ARFGEF2: variants seen among roughly 807,000 people sequenced by gnomAD.
ARFGEF2 encodes brefeldin A-inhibited guanine nucleotide-exchange protein 2.
A neutral mutation model predicts 219.9 loss-of-function variants in ARFGEF2; 74 were observed. The observed-to-expected ratio is 0.34, with a 90% CI of 0.28 to 0.41. ARFGEF2 has a LOEUF of 0.41. Ranked by LOEUF, ARFGEF2 falls within the 10% of genes least tolerant of loss-of-function variation. The probability of loss-of-function intolerance (pLI) is 1.00; values close to 1 mark genes in which losing one functional copy is unlikely to be tolerated. For synonymous variants in ARFGEF2, 733 were observed against 799.2 expected, an observed-to-expected ratio of 0.92 and a Z score of 1.40; for missense variants, 1,743 against 2,218.3, an observed-to-expected ratio of 0.79 and a Z score of 4.30.
chr20:49,017,591 CTATCTTAGT>C, intron 33 of ARFGEF2, 41 bp downstream of exon 33: 4 of 1,606,256 alleles, frequency 2.5e-6, no homozygotes, highest in Non-Finnish European at 3.4e-6. Flanking sequence ...TTTCTTTTTT[CTATCTTAGT>C]AAAAGATCAA....
chr20:48,975,924 T>C, intron 13 of ARFGEF2, 92 bp from the exon 14 acceptor site: 1 of 1,194,060 alleles, frequency 8.4e-7, no homozygotes, highest in Non-Finnish European at 1.2e-6. Flanking sequence ...CTATTACAGG[T>C]TTGGGAAAGG....
chr20:48,968,716 C>T (rs1390094373), intron 8 of ARFGEF2, among the ~76,000 whole-genome samples: 1 of 152,144 alleles, frequency 6.6e-6, no homozygotes, highest in African/African-American at 2.4e-5. Context: ...GTATAATTAC[C>T]TGTATTAGTT....
At chr20:49,027,627 T>G (rs1600560498) in intron 36 of ARFGEF2, among the ~76,000 whole-genome samples, 1 of 151,244 alleles carries the variant, frequency 6.6e-6, no homozygotes. Context: ...GCCTGGGAGG[T>G]CGAGGTTGCA....
intron 6 of ARFGEF2, among the ~76,000 whole-genome samples, chr20:48,959,043 G>C (rs1403309544): frequency 2.0e-5 from 3 of 152,138 alleles, no homozygotes; most frequent in African/African-American, 4.8e-5. Context: ...TTTGTGAGTA[G>C]TCTCCTGGTT....
intron 25 of ARFGEF2, chr20:48,999,317 G>A: frequency 2.4e-6 from 1 of 418,518 alleles, no homozygotes; most frequent in Non-Finnish European, 4.7e-6. Context: ...CAACTGTTGG[G>A]AATAAACCAG....
At chr20:49,006,154 C>A (rs6063345) in intron 26 of ARFGEF2, among the ~76,000 whole-genome samples, 1 of 151,626 alleles carries the variant, frequency 6.6e-6, no homozygotes, top group Non-Finnish European at 1.5e-5. Flanking sequence ...GTTAGCCGGG[C>A]GTGGTGGTGG....
rs1217052185 is a variant in ARFGEF2 at position 48,976,195 on chromosome 20, G to A, written c.1954G>A (p.Glu652Lys). 1.9e-5 allele frequency: 30 copies of A among 1,613,784 alleles called. No homozygotes were observed. Among genetic ancestry groups the A allele is most frequent in the Non-Finnish European group, 2.4e-5 (28 of 1,179,988 alleles). ...AAAAGAAATCATTGAACACGGCATC[G>A]AGCTGTGAGTGGGGCTGCCGTTAAC... ...QQKEIIEHGI[E>K]LFNKKPKRGI... The change falls in exon 14 of 39, where the codon GAG (glutamate) becomes AAG (lysine). Residue 652 changes from glutamate to lysine, a missense_variant. Physicochemically the swap from Glu to Lys is moderately conservative, Grantham distance 56. Transcript: ENST00000371917.
chr20:48,935,012 A>G (rs1381569069), intron 1 of ARFGEF2, among the ~76,000 whole-genome samples: 3 of 152,188 alleles, frequency 2.0e-5, no homozygotes, highest in African/African-American at 2.4e-5. Flanking sequence ...CCTCTCCAGC[A>G]TCTGTTGTTT....
chr20:49,013,987 A>G lies in ARFGEF2; in HGVS notation c.4179+27A>G, dbSNP rs1426467990. Reference sequence around the variant, plus strand: ...TAGGTGATAACTACAGCACTGCCCTAGGTATGATGGAGAGGAAAGCCTTTC... The same window carrying G: ...TAGGTGATAACTACAGCACTGCCCTGGGTATGATGGAGAGGAAAGCCTTTC... On this transcript the variant is annotated intron_variant, in intron 30 of 38. Transcript: ENST00000371917. 18 of 1,613,428 alleles carry G rather than the reference A, an allele frequency of 1.1e-5. No homozygotes were observed. In the East Asian group the frequency reaches 3.3e-4, roughly 30 times the overall value.
chr20:48,931,961 G>A (rs2123282131), intron 1 of ARFGEF2, among the ~76,000 whole-genome samples: 1 of 152,334 alleles, frequency 6.6e-6, no homozygotes, highest in East Asian at 1.9e-4. Flanking sequence ...GCTGTGGGGT[G>A]GAAGGGAGGA....
chr20:49,023,089 G>T lies in ARFGEF2; in HGVS notation c.4663G>T (p.Val1555Phe). Residue 1555 changes from valine to phenylalanine, a missense_variant, in exon 35 of 39, where the codon GTC becomes TTC. By Grantham distance (50) the Val-to-Phe change is conservative (BLOSUM62 -1). Coordinates refer to ENST00000371917, the MANE Select transcript of ARFGEF2 (RefSeq NM_006420.3). ...TGCCAGCCTCCTCATCAAGTGTGTG[G>T]TCCAGTTGGAATTGATACAGACCAT... ...LFASLLIKCV[V>F]QLELIQTIDN... 6.2e-7 allele frequency: 1 copy of T among 1,614,210 alleles called. No individual in the cohort carries two copies.
chr20:49,000,371 T>C (rs2091418187), intron 25 of ARFGEF2, among the ~76,000 whole-genome samples: 1 of 152,104 alleles, frequency 6.6e-6, no homozygotes, highest in Non-Finnish European at 1.5e-5. Context: ...AGATAACTGA[T>C]GGGAAAGGAT....
intron 21 of ARFGEF2, among the ~76,000 whole-genome samples, 175 bp downstream of exon 21, chr20:48,991,373 C>G (rs1295594529): frequency 6.6e-6 from 1 of 152,174 alleles, no homozygotes; most frequent in Admixed American, 6.5e-5. Flanking sequence ...TTCAGGCGCA[C>G]CAGCTCACAG....
At chr20:48,963,934 C>T in intron 7 of ARFGEF2, 36 bp downstream of exon 7, 1 of 1,601,576 alleles carries the variant, frequency 6.2e-7, no homozygotes, top group Non-Finnish European at 8.5e-7. Flanking sequence ...TTCCTCTTCC[C>T]TCATTCCTCC....
intron 25 of ARFGEF2, among the ~76,000 whole-genome samples, chr20:49,000,007 A>G (rs757566662): frequency 9.2e-5 from 14 of 152,218 alleles, no homozygotes; most frequent in African/African-American, 1.7e-4. Flanking sequence ...AGAATAATCA[A>G]TGGGGTGCTG....
At chr20:49,000,126 TCTTGTGGA>T (rs1006007427) in intron 25 of ARFGEF2, among the ~76,000 whole-genome samples, 5 of 152,212 alleles carry the variant, frequency 3.3e-5, no homozygotes, top group Non-Finnish European at 7.3e-5. Context: ...CCTCATTACC[TCTTGTGGA>T]CAGGTGCTAG....
chr20:48,973,865 T>C (rs976052476), intron 12 of ARFGEF2, among the ~76,000 whole-genome samples: 3 of 152,248 alleles, frequency 2.0e-5, no homozygotes, highest in African/African-American at 4.8e-5. Context: ...TCCGAGTTGC[T>C]GTTTTGAATC....
chr20:48,975,870 T>C (rs1047387967), intron 13 of ARFGEF2, 146 bp from the exon 14 acceptor site: 1 of 733,960 alleles, frequency 1.4e-6, no homozygotes. Flanking sequence ...ATCTGAATGA[T>C]ACTAAGGTTT....
At position 48,953,691 on chromosome 20, in the gene ARFGEF2, A is replaced by G. The variant is rs760361370; in HGVS notation, c.739A>G (p.Lys247Glu). ...ACAAAGCAAACCAACAACTCCCGAAAAAACAGATTTAACCAACGGTGAACA... is the reference window on the plus strand; with the variant it reads ...ACAAAGCAAACCAACAACTCCCGAAGAAACAGATTTAACCAACGGTGAACA... ...QAQSKPTTPE[K>E]TDLTNGEHAR... Residue 247 changes from lysine to glutamate, a missense_variant, in exon 6 of 39, where the codon AAA becomes GAA. Physicochemically the swap from Lys to Glu is moderately conservative, Grantham distance 56 (BLOSUM62 1). This residue lies in a region of ARFGEF2 where 394 missense variants were observed against 426.6 expected (regional missense o/e 0.92). Coordinates refer to ENST00000371917, the MANE Select transcript of ARFGEF2 (RefSeq NM_006420.3). 48 of 1,614,058 alleles carry G rather than the reference A, an allele frequency of 3.0e-5. No individual in the cohort carries two copies. The South Asian group carries it at 4.9e-4, about 17-fold the overall frequency.
Sources: gnomAD v4.1 joint callset for allele counts (sites outside exome capture counted in the v4.1 genomes callset) on GRCh38, gnomAD v4.1.1 for gene constraint, gnomAD v4.1.1 regional missense constraint, MANE v1.5 for transcripts, NCBI Gene and HGNC (gene_info 2026-07-23, HGNC 2026-07-21) for gene names.